The following SLC9A9 variants were observed in gnomAD, a reference collection of about 807,000 sequenced individuals.
SLC9A9 encodes sodium/hydrogen exchanger 9.
Under a neutral mutation model 77.8 loss-of-function variants are expected in SLC9A9, and 62 were observed. The observed-to-expected ratio is 0.80, with a 90% confidence interval of 0.65 to 0.98. The LOEUF (loss-of-function observed/expected upper bound fraction) is 0.98, where lower values mean the gene tolerates loss of function less well. Ranked by LOEUF, SLC9A9 falls within the 50% of genes least tolerant of loss-of-function variation. The probability of loss-of-function intolerance (pLI) is 0.00; values close to 1 mark genes in which losing one functional copy is unlikely to be tolerated. For synonymous variants in SLC9A9, 320 were observed against 283.5 expected, an observed-to-expected ratio of 1.13 and a Z score of -1.29; for missense variants, 775 against 774.9, an observed-to-expected ratio of 1.00 and a Z score of 0.00.
At chr3:143,816,169 G>A (rs2009011459) in intron 2 of SLC9A9, among the ~76,000 whole-genome samples, 1 of 152,142 alleles carries the variant, frequency 6.6e-6, no homozygotes, top group Non-Finnish European at 1.5e-5. Context: ...TCATATATGT[G>A]TAGTCGTAAA....
At chr3:143,621,149 C>A (rs1483698483) in intron 6 of SLC9A9, among the ~76,000 whole-genome samples, 1 of 152,208 alleles carries the variant, frequency 6.6e-6, no homozygotes, top group South Asian at 2.1e-4. Context: ...CACCACAGCT[C>A]AAGGATGCCT....
At chr3:143,722,794 T>G (rs987180187) in intron 4 of SLC9A9, among the ~76,000 whole-genome samples, 4 of 152,200 alleles carry the variant, frequency 2.6e-5, no homozygotes, top group African/African-American at 9.7e-5. Context: ...GATTTTCTAT[T>G]TATTTACCTG....
chr3:143,266,692 T>C lies in SLC9A9; in HGVS notation c.*10A>G. On this transcript the variant is annotated 3_prime_UTR_variant, in exon 16 of 16. Transcript: ENST00000316549. ...ATTACTTGTGATTACATCTGTACTCTTCATGCCAATTAATTCAACTGGGAT... is the reference window on the plus strand; with the variant it reads ...ATTACTTGTGATTACATCTGTACTCCTCATGCCAATTAATTCAACTGGGAT... 6.2e-7 allele frequency: 1 copy of C among 1,614,000 alleles called. No individual in the cohort carries two copies. Among genetic ancestry groups the C allele is most frequent in the Non-Finnish European group, 8.5e-7 (1 of 1,179,866 alleles).
At chr3:143,404,196 CAG>C (rs1236256204) in intron 12 of SLC9A9, among the ~76,000 whole-genome samples, 1 of 140,424 alleles carries the variant, frequency 7.1e-6, no homozygotes, top group Admixed American at 7.6e-5. Flanking sequence ...TTTTTGGAGA[CAG>C]AGTCTCACTC....
chr3:143,517,950 C>T lies in SLC9A9; in HGVS notation c.1090-22502G>A, dbSNP rs1445618944. On this transcript the variant is annotated intron_variant, in intron 9 of 15. Transcript: ENST00000316549. The stretch of plus-strand genomic sequence containing the variant: ...TCATCTCCCATTTCTTAAGGAGCAT[C>T]AGTGTCTGGTTCAATCACACCTTCT... 2.0e-6 allele frequency: 3 copies of T among 1,467,290 alleles called. No individual in the cohort carries two copies. In the East Asian group the frequency reaches 6.8e-5, roughly 33 times the overall value. 90.9% of individuals were successfully genotyped at this position (1,467,290 alleles called of 1,614,324 possible).
chr3:143,741,398 A>G (rs1935069440), intron 4 of SLC9A9, among the ~76,000 whole-genome samples: 2 of 152,250 alleles, frequency 1.3e-5, no homozygotes, highest in Non-Finnish European at 1.5e-5. Context: ...ATTATTAATC[A>G]AAATATAAAA....
intron 14 of SLC9A9, among the ~76,000 whole-genome samples, chr3:143,286,161 A>G (rs1365248308): frequency 6.6e-6 from 1 of 152,154 alleles, no homozygotes; most frequent in East Asian, 1.9e-4. Context: ...CCATCTGCTG[A>G]CTGAATGCTA....
At chr3:143,673,211 T>G (rs1456069843) in intron 5 of SLC9A9, among the ~76,000 whole-genome samples, 1 of 152,210 alleles carries the variant, frequency 6.6e-6, no homozygotes, top group African/African-American at 2.4e-5. Flanking sequence ...ATTTCTCCAG[T>G]GCTTCTATCT....
chr3:143,551,148 G>A (rs1162614990), intron 9 of SLC9A9, among the ~76,000 whole-genome samples: 4 of 152,230 alleles, frequency 2.6e-5, no homozygotes, highest in Admixed American at 1.3e-4. Context: ...GGGTGGATGT[G>A]TCTAGAAGCC....
chr3:143,266,783 T>C lies in SLC9A9; in HGVS notation c.1857A>G (p.Glu619=). Residue 619 remains glutamate, a synonymous_variant, in exon 16 of 16, where the codon GAA becomes GAG. Coordinates refer to ENST00000316549, the MANE Select transcript of SLC9A9 (RefSeq NM_173653.4). Reference sequence around the variant, plus strand: ...GGCCGAGGTCTCCCTCATAAATGTTTTCCTTGCCTGGCGTCTGGGGTGAAG... The same window carrying C: ...GGCCGAGGTCTCCCTCATAAATGTTCTCCTTGCCTGGCGTCTGGGGTGAAG... ...QKASPQTPGK[E]NIYEGDLGLG... is the part of the protein sequence containing the mutation. 1.2e-6 allele frequency: 2 copies of C among 1,614,194 alleles called. No individual in the cohort carries two copies. Among genetic ancestry groups the C allele is most frequent in the Non-Finnish European group, 1.7e-6 (2 of 1,180,028 alleles).
intron 6 of SLC9A9, among the ~76,000 whole-genome samples, chr3:143,639,923 A>G (rs2038592621): frequency 6.6e-6 from 1 of 152,148 alleles, no homozygotes; most frequent in African/African-American, 2.4e-5. Context: ...ATTATAATTC[A>G]TCTTCTTAAG....
chr3:143,434,793 C>T lies in SLC9A9; in HGVS notation c.1469+32244G>A, dbSNP rs531883874. Among the ~76,000 whole-genome samples the T allele has an allele frequency of 2.0e-5, 3 of 152,216 alleles. No homozygotes were observed. In the East Asian group the frequency reaches 5.8e-4, roughly 29 times the overall value. On this transcript the variant is annotated intron_variant, in intron 12 of 15. Coordinates refer to ENST00000316549, the MANE Select transcript of SLC9A9 (RefSeq NM_173653.4). Reference sequence around the variant, plus strand: ...GCTCCCCTGACTGGGGAACTAAATCCCTCAGCCTAGTCCCCATCGTCCTCC... The same window carrying T: ...GCTCCCCTGACTGGGGAACTAAATCTCTCAGCCTAGTCCCCATCGTCCTCC...
At chr3:143,748,373 C>CACA (rs1267432469) in intron 4 of SLC9A9, among the ~76,000 whole-genome samples, 2 of 152,160 alleles carry the variant, frequency 1.3e-5, no homozygotes, top group African/African-American at 4.8e-5. Context: ...GTCAGCCTGC[C>CACA]ACAACTGTCC....
chr3:143,772,449 C>T (rs1222674988), intron 4 of SLC9A9, among the ~76,000 whole-genome samples: 1 of 152,102 alleles, frequency 6.6e-6, no homozygotes, highest in African/African-American at 2.4e-5. Flanking sequence ...TATTCAAGTA[C>T]AGATATTTGG....
intron 12 of SLC9A9, among the ~76,000 whole-genome samples, chr3:143,392,527 A>C (rs1199988092): frequency 6.8e-6 from 1 of 147,620 alleles, no homozygotes; most frequent in Admixed American, 6.8e-5. Context: ...CGAGGCTAGG[A>C]AGAAACTGCA....
chr3:143,807,990 G>A lies in SLC9A9; in HGVS notation c.379-11087C>T, dbSNP rs771253610. Among the ~76,000 whole-genome samples the A allele has an allele frequency of 1.1e-4, 16 of 152,332 alleles. No homozygotes were observed. In the East Asian group the frequency reaches 1.4e-3, roughly 13 times the overall value. On this transcript the variant is annotated intron_variant, in intron 2 of 15. Transcript: ENST00000316549. ...ACTTGGGTGGCTTCTGCAGAATCCCGGTGAGAGAGGATGGTGGCCGGGAGT... is the reference window on the plus strand; with the variant it reads ...ACTTGGGTGGCTTCTGCAGAATCCCAGTGAGAGAGGATGGTGGCCGGGAGT...
intron 9 of SLC9A9, among the ~76,000 whole-genome samples, chr3:143,535,362 A>G (rs1162673249): frequency 6.6e-6 from 1 of 152,226 alleles, no homozygotes; most frequent in Non-Finnish European, 1.5e-5. Context: ...GTTAAAAGCT[A>G]AAAACGAGTC....
chr3:143,708,005 C>G (rs1186782848), intron 4 of SLC9A9, among the ~76,000 whole-genome samples: 1 of 152,160 alleles, frequency 6.6e-6, no homozygotes, highest in East Asian at 1.9e-4. Flanking sequence ...GCTATAGCAA[C>G]CCACACAGCT....
At chr3:143,589,550 T>A (rs6768652) in intron 6 of SLC9A9, among the ~76,000 whole-genome samples, 14,448 of 152,178 alleles carry the variant, frequency 0.095, 1,248 homozygotes, top group African/African-American at 0.23. Context: ...GCCTAGAAGA[T>A]ATAGGTTATA....
Sources: allele counts gnomAD v4.1 joint callset (sites outside exome capture counted in the v4.1 genomes callset), GRCh38; gene constraint gnomAD v4.1.1; transcripts MANE v1.5; gene names NCBI Gene and HGNC (gene_info 2026-07-23, HGNC 2026-07-21).